FAT3: variants seen among roughly 807,000 people sequenced by gnomAD.
FAT3 encodes the protein protocadherin Fat 3.
Under a neutral mutation model 310.2 loss-of-function variants are expected in FAT3, and 95 were observed. The ratio of observed to expected loss-of-function variants is 0.31; its 90% CI spans 0.26 to 0.36. The LOEUF (loss-of-function observed/expected upper bound fraction) is 0.36. FAT3 is among the 10% of genes least tolerant of loss of function. The pLI is 1.00. For synonymous variants in FAT3, 2,314 were observed against 2,192.9 expected (o/e 1.06, Z -1.54); for missense variants, 5,408 against 5,715.6 (o/e 0.95, Z 1.74).
intron 2 of FAT3, among the ~76,000 whole-genome samples, chr11:92,378,666 T>G (rs1002043124): frequency 6.6e-6 from 1 of 152,214 alleles, no homozygotes; most frequent in African/African-American, 2.4e-5. Flanking sequence ...GCAAAAATAC[T>G]TTGGTGTTTG....
rs773104990 is a variant in FAT3, at chr11:92,764,907, A to G, written c.4013A>G (p.Gln1338Arg). The G allele has an allele frequency of 4.3e-6, 7 of 1,613,856 alleles. No individual in the cohort carries two copies. Among genetic ancestry groups the G allele is most frequent in the Admixed American group, 1.7e-5 (1 of 60,014 alleles). ...AAGGCAGTGGACAATGGGCGCCCAC[A>G]GAAATCCTCCACGGCCCGCCTCCAC... ...TIKAVDNGRP[Q>R]KSSTARLHIE... The change falls in exon 6 of 28, where the codon CAG becomes CGG. Residue 1338 changes from glutamine (Q) to arginine (R), a missense_variant. Transcript: ENST00000525166.
intron 2 of FAT3, among the ~76,000 whole-genome samples, chr11:92,376,864 A>G (rs1365667853): frequency 1.3e-5 from 2 of 152,236 alleles, no homozygotes; most frequent in Non-Finnish European, 2.9e-5. Context: ...ATATTGAGCA[A>G]GACGCTGCTG....
At chr11:92,339,893 A>G (rs1311525228) in intron 1 of FAT3, among the ~76,000 whole-genome samples, 1 of 152,044 alleles carries the variant, frequency 6.6e-6, no homozygotes, top group Non-Finnish European at 1.5e-5. Context: ...ATGGGCGATC[A>G]CGAGGTCAGG....
At chr11:92,685,084 T>C (rs1943592818) in intron 3 of FAT3, among the ~76,000 whole-genome samples, 1 of 152,160 alleles carries the variant, frequency 6.6e-6, no homozygotes, top group Admixed American at 6.5e-5. Context: ...TTGTAACCTC[T>C]CTTTTCCTTT....
At chr11:92,466,317 A>G (rs963989410) in intron 2 of FAT3, among the ~76,000 whole-genome samples, 6 of 152,158 alleles carry the variant, frequency 3.9e-5, no homozygotes, top group Admixed American at 1.3e-4. Context: ...ACTATTAACA[A>G]TCTCAAATAG....
chr11:92,505,894 TG>T (rs1953084561), intron 2 of FAT3, among the ~76,000 whole-genome samples: 1 of 152,146 alleles, frequency 6.6e-6, no homozygotes, highest in South Asian at 2.1e-4. Flanking sequence ...CTGGACTCCA[TG>T]TTGAGTAAGA....
At chr11:92,782,864 A>G (rs1946788854) in intron 7 of FAT3, among the ~76,000 whole-genome samples, 1 of 152,188 alleles carries the variant, frequency 6.6e-6, no homozygotes, top group Non-Finnish European at 1.5e-5. Flanking sequence ...CTTCCTTTAA[A>G]AGTAGGTTTT....
At chr11:92,455,179 A>G (rs964422391) in intron 2 of FAT3, among the ~76,000 whole-genome samples, 1 of 152,226 alleles carries the variant, frequency 6.6e-6, no homozygotes, top group Non-Finnish European at 1.5e-5. Flanking sequence ...TGGTGTTCAC[A>G]TAACTTTCCT....
intron 13 of FAT3, among the ~76,000 whole-genome samples, chr11:92,823,749 G>A (rs1948030197): frequency 6.6e-6 from 1 of 152,128 alleles, no homozygotes; most frequent in Non-Finnish European, 1.5e-5. Context: ...CCCAGGAGCT[G>A]GTATTCTGCC....
chr11:92,326,611 G>T (rs796863916), intron 1 of FAT3, among the ~76,000 whole-genome samples: 1 of 152,298 alleles, frequency 6.6e-6, no homozygotes, highest in Non-Finnish European at 1.5e-5. Flanking sequence ...TATAATAGAT[G>T]TGACCTTATT....
chr11:92,777,731 G>A (rs3847528), intron 7 of FAT3, among the ~76,000 whole-genome samples: 49,720 of 151,812 alleles, frequency 0.33, 8,410 homozygotes, highest in African/African-American at 0.36. Context: ...TAACTTCTCC[G>A]CACCCTAGTC....
chr11:92,525,595 T>C (rs1440370981), intron 3 of FAT3, among the ~76,000 whole-genome samples: 1 of 152,172 alleles, frequency 6.6e-6, no homozygotes, highest in African/African-American at 2.4e-5. Flanking sequence ...GAGACAGGTA[T>C]GTACGTTGGA....
At chr11:92,723,688 A>G (rs540820068) in intron 4 of FAT3, among the ~76,000 whole-genome samples, 30 of 152,340 alleles carry the variant, frequency 2.0e-4, no homozygotes, top group African/African-American at 6.7e-4. Context: ...GGGGAGGCCT[A>G]TCTATCATGG....
chr11:92,546,515 A>G (rs573500368), intron 3 of FAT3, among the ~76,000 whole-genome samples: 1 of 152,326 alleles, frequency 6.6e-6, no homozygotes, highest in South Asian at 2.1e-4. Context: ...GGTTGAGGCC[A>G]TAATTAATTT....
intron 2 of FAT3, among the ~76,000 whole-genome samples, chr11:92,462,010 CTT>C (rs1258897542): frequency 6.6e-6 from 1 of 152,120 alleles, no homozygotes; most frequent in South Asian, 2.1e-4. Context: ...CATTGGGAGT[CTT>C]AGGATCAGAA....
intron 2 of FAT3, among the ~76,000 whole-genome samples, chr11:92,458,980 A>C (rs920315000): frequency 6.6e-6 from 1 of 152,224 alleles, no homozygotes; most frequent in African/African-American, 2.4e-5. Flanking sequence ...ATTTGCAACT[A>C]CTTATTATAA....
At chr11:92,805,384 G>A in intron 11 of FAT3, 35 bp downstream of exon 11, 1 of 1,565,100 alleles carries the variant, frequency 6.4e-7, no homozygotes, top group Non-Finnish European at 8.7e-7. Context: ...CTTTTACTCT[G>A]CTTCTCCAAA....
chr11:92,478,967 CT>C (rs374136045), intron 2 of FAT3, among the ~76,000 whole-genome samples: 5 of 66,880 alleles, frequency 7.5e-5, no homozygotes, highest in Non-Finnish European at 1.5e-4. Flanking sequence ...CTTTTCTTTT[CT>C]TTTCTTTTCT....
At chr11:92,676,079 A>C (rs1056824111) in intron 3 of FAT3, among the ~76,000 whole-genome samples, 7 of 152,204 alleles carry the variant, frequency 4.6e-5, no homozygotes, top group South Asian at 2.1e-4. Context: ...GATAAGAAAA[A>C]AGAAAGTACG....
Sources: gnomAD v4.1 joint callset for allele counts (sites outside exome capture counted in the v4.1 genomes callset) on GRCh38, gnomAD v4.1.1 for gene constraint, MANE v1.5 for transcripts, NCBI Gene and HGNC (gene_info 2026-07-23, HGNC 2026-07-21) for gene names.